The following SRGAP2 variants were observed in gnomAD, a reference collection of about 807,000 sequenced individuals.
SRGAP2 encodes the protein SLIT-ROBO Rho GTPase-activating protein 2.
In SRGAP2, 15 loss-of-function variants were observed where a neutral mutation model predicts 57.2. The ratio of observed to expected loss-of-function variants is 0.26; its 90% CI spans 0.18 to 0.40. The LOEUF (loss-of-function observed/expected upper bound fraction) is 0.40. Ranked by LOEUF, SRGAP2 falls within the 10% of genes least tolerant of loss-of-function variation. SRGAP2 has a pLI of 1.00. For synonymous variants in SRGAP2, 249 were observed against 248.0 expected (o/e 1.00, Z -0.04); for missense variants, 520 against 669.6 (o/e 0.78, Z 2.47).
chr1:206,455,399 A>G (rs1003693931), intron 21 of SRGAP2: 3 of 258,724 alleles, frequency 1.2e-5, no homozygotes, highest in African/African-American at 2.3e-5. Context: ...TTTCCAATCC[A>G]TACTCAAATA....
chr1:206,327,342 A>AAG (rs1558312216), intron 3 of SRGAP2, among the ~76,000 whole-genome samples: 2 of 150,852 alleles, frequency 1.3e-5, no homozygotes, highest in Non-Finnish European at 2.9e-5. Flanking sequence ...AAAAAAAAAA[A>AAG]GAAGTGTTCC....
rs1667533201 is a variant in SRGAP2 at position 206,230,046 on chromosome 1, CT to C, written c.67+24010del. Reference sequence around the variant, plus strand: ...TATATTTTAAATAGCTGATTTATGCCTCATAAGTAAAGAAAAAAAGGTTTCT... The same window carrying C: ...TATATTTTAAATAGCTGATTTATGCCCATAAGTAAAGAAAAAAAGGTTTCT... On this transcript the variant is annotated intron_variant, in intron 2 of 22. Coordinates refer to ENST00000573034, the MANE Select transcript of SRGAP2 (RefSeq NM_015326.5). Among the ~76,000 whole-genome samples the C allele has an allele frequency of 2.6e-5, 4 of 151,914 alleles. 1 individual carries two copies. In the South Asian group the frequency reaches 8.3e-4, roughly 31 times the overall value.
intron 2 of SRGAP2, among the ~76,000 whole-genome samples, chr1:206,298,491 GT>G: frequency 6.6e-6 from 1 of 152,222 alleles, no homozygotes; most frequent in South Asian, 2.1e-4. Context: ...TTTTTAATCT[GT>G]TTTTTTCAGT....
chr1:206,325,519 AT>A (rs1351341514), intron 3 of SRGAP2, among the ~76,000 whole-genome samples: 3 of 151,170 alleles, frequency 2.0e-5, no homozygotes, highest in African/African-American at 7.3e-5. Flanking sequence ...AGTTTTTTGT[AT>A]TTTTGGTAGA....
intron 2 of SRGAP2, among the ~76,000 whole-genome samples, chr1:206,234,801 C>T (rs1463437772): frequency 6.6e-6 from 1 of 151,822 alleles, no homozygotes; most frequent in East Asian, 2.0e-4. Context: ...AATGCTGTCT[C>T]TTCCATTTCT....
chr1:206,411,059 A>G (rs1659176690), intron 10 of SRGAP2, among the ~76,000 whole-genome samples: 1 of 152,178 alleles, frequency 6.6e-6, no homozygotes, highest in South Asian at 2.1e-4. Flanking sequence ...ACGGGGTTTC[A>G]CTATGTTGGC....
At chr1:206,402,492 C>T (rs1340495892) in intron 8 of SRGAP2, among the ~76,000 whole-genome samples, 21 of 152,200 alleles carry the variant, frequency 1.4e-4, no homozygotes, top group African/African-American at 7.2e-5. Flanking sequence ...ACCATTTCTC[C>T]TACTGGTGAA....
chr1:206,248,339 A>G (rs1308065740), intron 2 of SRGAP2, among the ~76,000 whole-genome samples: 1 of 152,204 alleles, frequency 6.6e-6, no homozygotes. Flanking sequence ...CCGGCCTCTC[A>G]GGGAAATAAC....
intron 11 of SRGAP2, among the ~76,000 whole-genome samples, chr1:206,416,672 A>G (rs1172155836): frequency 2.6e-5 from 4 of 152,156 alleles, no homozygotes; most frequent in Non-Finnish European, 5.9e-5. Context: ...AAGCTTCCCC[A>G]GGGTTTTTTG....
At chr1:206,428,815 A>G (rs1661037240) in intron 13 of SRGAP2, among the ~76,000 whole-genome samples, 1 of 152,064 alleles carries the variant, frequency 6.6e-6, no homozygotes, top group Non-Finnish European at 1.5e-5. Context: ...GGTGTGCAAC[A>G]CCATGCCAGG....
chr1:206,228,757 G>C (rs1160060390), intron 2 of SRGAP2, among the ~76,000 whole-genome samples: 1 of 150,094 alleles, frequency 6.7e-6, no homozygotes, highest in Non-Finnish European at 1.5e-5. Flanking sequence ...TCAAATACTT[G>C]TAAAAATACT....
At chr1:206,306,393 C>A (rs1442453886) in intron 3 of SRGAP2, among the ~76,000 whole-genome samples, 2 of 151,946 alleles carry the variant, frequency 1.3e-5, no homozygotes, top group Non-Finnish European at 2.9e-5. Flanking sequence ...TTCGTTCCTC[C>A]CGGTGGGCTT....
chr1:206,414,894 A>C (rs9660933), intron 10 of SRGAP2, among the ~76,000 whole-genome samples: 7,330 of 152,306 alleles, frequency 0.048, 448 homozygotes, highest in African/African-American at 0.14. Context: ...ATAAAGCATT[A>C]ATACTACAAA....
chr1:206,418,614 A>AT (rs1271775906), intron 11 of SRGAP2, among the ~76,000 whole-genome samples: 1 of 152,164 alleles, frequency 6.6e-6, no homozygotes, highest in African/African-American at 2.4e-5. Context: ...ATGCATATAT[A>AT]TTTTTTTAAA....
intron 5 of SRGAP2, among the ~76,000 whole-genome samples, chr1:206,386,368 C>A (rs1372743878): frequency 2.0e-5 from 3 of 148,476 alleles, no homozygotes; most frequent in African/African-American, 7.5e-5. Flanking sequence ...ATACCCCAAA[C>A]CTCTATGACC....
intron 10 of SRGAP2, among the ~76,000 whole-genome samples, chr1:206,412,076 A>G (rs1659269942): frequency 6.6e-6 from 1 of 152,244 alleles, no homozygotes; most frequent in African/African-American, 2.4e-5. Flanking sequence ...GCCCAAGGTT[A>G]GGAGAGTTAG....
chr1:206,423,525 C>CCTTCACG (rs564091992), intron 13 of SRGAP2, among the ~76,000 whole-genome samples: 95 of 152,296 alleles, frequency 6.2e-4, no homozygotes, highest in African/African-American at 2.2e-3. Flanking sequence ...GTAGCCCCTC[C>CCTTCACG]CTTCACTTCT....
At chr1:206,309,119 C>A (rs1465488627) in intron 3 of SRGAP2, among the ~76,000 whole-genome samples, 3 of 143,804 alleles carry the variant, frequency 2.1e-5, no homozygotes, top group Non-Finnish European at 4.5e-5. Context: ...TGAGCTATGA[C>A]TGCACCGCTG....
chr1:206,332,808 T>G (rs1674466884), intron 3 of SRGAP2, among the ~76,000 whole-genome samples: 2 of 152,012 alleles, frequency 1.3e-5, no homozygotes, highest in Admixed American at 6.5e-5. Flanking sequence ...TTCTCTCAGC[T>G]CGTCAAAATC....
Sources: allele counts gnomAD v4.1 joint callset (sites outside exome capture counted in the v4.1 genomes callset), GRCh38; gene constraint gnomAD v4.1.1; transcripts MANE v1.5; gene names NCBI Gene and HGNC (gene_info 2026-07-23, HGNC 2026-07-21).